Variants in IKBKB observed in about 807,000 individuals in gnomAD.
The protein encoded by IKBKB is inhibitor of nuclear factor kappa B kinase subunit beta.
Under a neutral mutation model 113.6 loss-of-function variants are expected in IKBKB, and 42 were observed. The ratio of observed to expected loss-of-function variants is 0.37; its 90% confidence interval spans 0.29 to 0.48. IKBKB has a LOEUF of 0.48. Ranked by LOEUF, IKBKB falls within the 20% of genes least tolerant of loss-of-function variation. The pLI, the probability that IKBKB is intolerant of heterozygous loss-of-function variation, is 0.99. For synonymous variants in IKBKB, 296 were observed against 361.3 expected (o/e 0.82, Z 2.05); for missense variants, 673 against 939.7 (o/e 0.72, Z 3.71).
intron 2 of IKBKB, among the ~76,000 whole-genome samples, chr8:42,282,711 A>T (rs774382236): frequency 6.6e-6 from 1 of 152,200 alleles, no homozygotes. Context: ...GGGTTTCAGA[A>T]CCGGTGATCG....
chr8:42,297,231 A>T (rs773117005), intron 5 of IKBKB, among the ~76,000 whole-genome samples: 1 of 152,170 alleles, frequency 6.6e-6, no homozygotes, highest in Non-Finnish European at 1.5e-5. Context: ...AATCCATTAA[A>T]TTTCTTTTTG....
chr8:42,302,846 T>C (rs1180568614), intron 5 of IKBKB, among the ~76,000 whole-genome samples: 1 of 152,130 alleles, frequency 6.6e-6, no homozygotes, highest in East Asian at 1.9e-4. Context: ...CTGGAACTCC[T>C]TTAATAAGGT....
chr8:42,328,420 C>T (rs756243427), intron 20 of IKBKB, among the ~76,000 whole-genome samples: 2 of 152,104 alleles, frequency 1.3e-5, no homozygotes, highest in Admixed American at 6.5e-5. Flanking sequence ...GCTCTGAGCT[C>T]CTGCCATCAG....
intron 5 of IKBKB, among the ~76,000 whole-genome samples, chr8:42,294,341 T>G (rs1489909533): frequency 1.3e-5 from 2 of 152,214 alleles, no homozygotes; most frequent in Non-Finnish European, 2.9e-5. Flanking sequence ...TGCTCAAGTT[T>G]TTTTGGAAAA....
At chr8:42,277,999 T>TATAA (rs1364653614) in intron 2 of IKBKB, among the ~76,000 whole-genome samples, 1 of 152,240 alleles carries the variant, frequency 6.6e-6, no homozygotes, top group African/African-American at 2.4e-5. Flanking sequence ...GTCAACTAAT[T>TATAA]ATAAATGTAA....
intron 11 of IKBKB, 112 bp downstream of exon 11, chr8:42,317,016 CA>C (rs1397576988): frequency 2.9e-6 from 3 of 1,024,316 alleles, no homozygotes; most frequent in Non-Finnish European, 3.0e-6. Flanking sequence ...GTTAATCACA[CA>C]GTGCGGATAC....
At chr8:42,330,203 C>T in intron 21 of IKBKB, 1 of 985,416 alleles carries the variant, frequency 1.0e-6, no homozygotes, top group South Asian at 4.7e-5. Context: ...CGTCGACTTT[C>T]TAATTCCCAC....
At chr8:42,287,334 C>T (rs983716375) in intron 2 of IKBKB, among the ~76,000 whole-genome samples, 1 of 152,244 alleles carries the variant, frequency 6.6e-6, no homozygotes, top group Non-Finnish European at 1.5e-5. Context: ...ATGGACAAGT[C>T]TATAATTTAA....
intron 4 of IKBKB, among the ~76,000 whole-genome samples, chr8:42,291,645 C>G (rs1812668022): frequency 6.7e-6 from 1 of 149,266 alleles, no homozygotes; most frequent in African/African-American, 2.6e-5. Flanking sequence ...TTCCTCCAGG[C>G]CCTTGTGCCT....
At chr8:42,311,573 AAAAAAG>A (rs896521560) in intron 8 of IKBKB, among the ~76,000 whole-genome samples, 2 of 151,322 alleles carry the variant, frequency 1.3e-5, no homozygotes, top group Non-Finnish European at 2.9e-5. Flanking sequence ...CAAAAAAAAA[AAAAAAG>A]AAAAAAGAAA....
chr8:42,314,402 C>G lies in IKBKB; in HGVS notation c.773C>G (p.Ser258Cys), dbSNP rs1818278739. 1 of 1,609,264 alleles carries G rather than the reference C, an allele frequency of 6.2e-7. No homozygotes were observed. The highest frequency in any genetic ancestry group is 1.3e-5 in the African/African-American group (1 of 74,960). The change falls in exon 9 of 22, where the codon TCT (serine) becomes TGT (cysteine). Residue 258 changes from serine (S) to cysteine (C), a missense_variant. Coordinates refer to ENST00000520810, the MANE Select transcript of IKBKB (RefSeq NM_001556.3). ...DLNGTVKFSS[S>C]LPYPNNLNSV... is the part of the protein sequence containing the mutation. ...AATGGAACGGTGAAGTTTTCAAGCTCTTTACCCTACCCCAATAATCTTAAC... is the reference window on the plus strand; with the variant it reads ...AATGGAACGGTGAAGTTTTCAAGCTGTTTACCCTACCCCAATAATCTTAAC...
chr8:42,281,403 C>G lies in IKBKB; in HGVS notation c.106-7231C>G, dbSNP rs1008672018. The stretch of plus-strand genomic sequence containing the variant: ...CATCCCCATCTTATGGATGAGGACC[C>G]AGATGCTTGTACCATGGGCTTCTAT... On this transcript the variant is annotated intron_variant, in intron 2 of 21. Transcript: ENST00000520810. Among the ~76,000 whole-genome samples the G allele has an allele frequency of 2.6e-5, 4 of 152,186 alleles. No homozygotes were observed. In the East Asian group the frequency reaches 7.7e-4, roughly 29 times the overall value.
At position 42,272,097 on chromosome 8, in the gene IKBKB, C is replaced by T. The variant is rs751083028; in HGVS notation, c.-4C>T. On this transcript the variant is annotated 5_prime_UTR_variant, in exon 2 of 22. Transcript: ENST00000520810. ...ATTGCTTATAGAGTTAGCACGACAT[C>T]AGTATGAGCTGGTCACCTTCCCTGA... is the stretch of plus-strand genomic sequence containing the variant. 5 of 1,613,778 alleles carry T rather than the reference C, an allele frequency of 3.1e-6. No individual in the cohort carries two copies. Among genetic ancestry groups the T allele is most frequent in the Non-Finnish European group, 4.2e-6 (5 of 1,179,858 alleles).
intron 2 of IKBKB, among the ~76,000 whole-genome samples, chr8:42,280,163 G>A (rs1166355041): frequency 6.6e-6 from 1 of 152,096 alleles, no homozygotes; most frequent in Non-Finnish European, 1.5e-5. Context: ...ACACTTCTTT[G>A]GAGGACAAAA....
At position 42,318,080 on chromosome 8, in the gene IKBKB, A is replaced by G. The variant is rs934061728; in HGVS notation, c.1240+309A>G. ...AGTTCAAGACCAGCCTGGGTAATAT[A>G]GTAAGCTCGCAAGTCTACTAAAAAT... On this transcript the variant is annotated intron_variant, in intron 12 of 21. Coordinates refer to ENST00000520810, the MANE Select transcript of IKBKB (RefSeq NM_001556.3). Among the ~76,000 whole-genome samples the G allele has an allele frequency of 1.8e-4, 27 of 151,900 alleles. 1 individual carries two copies. Among genetic ancestry groups the G allele is most frequent in the Admixed American group, 1.6e-3 (24 of 15,238 alleles).
chr8:42,320,465 C>G (rs1294734585), intron 15 of IKBKB: 1 of 379,232 alleles, frequency 2.6e-6, no homozygotes, highest in Non-Finnish European at 4.8e-6. Context: ...TCTTACTTGA[C>G]TCCTCAGATG....
chr8:42,322,157 T>C lies in IKBKB; in HGVS notation c.1838+4T>C. ...GAGTGATCTATACGCAGCTCAGGTATGAGCCCCGACCTTCCTGCTCTGGAG... is the reference window on the plus strand; with the variant it reads ...GAGTGATCTATACGCAGCTCAGGTACGAGCCCCGACCTTCCTGCTCTGGAG... On this transcript the variant is annotated splice_donor_region_variant and intron_variant, in intron 18 of 21. Transcript: ENST00000520810. 3 of 1,610,608 alleles carry C rather than the reference T, an allele frequency of 1.9e-6. No individual in the cohort carries two copies. Among genetic ancestry groups the C allele is most frequent in the Non-Finnish European group, 8.5e-7 (1 of 1,177,108 alleles).
At chr8:42,325,842 C>A in intron 19 of IKBKB, 128 bp from the exon 20 acceptor site, 1 of 1,500,428 alleles carries the variant, frequency 6.7e-7, no homozygotes, top group Non-Finnish European at 8.8e-7. Flanking sequence ...GGGGTGCCAA[C>A]TGGTAGGCTG....
chr8:42,330,033 A>G (rs984178962), intron 21 of IKBKB: 84 of 985,284 alleles, frequency 8.5e-5, no homozygotes, highest in East Asian at 1.1e-4. Context: ...TCCTCCTGGC[A>G]TGATAATGTT....
Sources: gnomAD v4.1 joint callset for allele counts (sites outside exome capture counted in the v4.1 genomes callset) on GRCh38, gnomAD v4.1.1 for gene constraint, MANE v1.5 for transcripts, NCBI Gene and HGNC (gene_info 2026-07-23, HGNC 2026-07-21) for gene names.